Variants in DLG5 observed in about 807,000 individuals in gnomAD.
DLG5 encodes discs large MAGUK scaffold protein 5.
A neutral mutation model predicts 189.8 loss-of-function variants in DLG5; 48 were observed. That is an observed-to-expected ratio of 0.25 (90% CI 0.20 to 0.32). The LOEUF (loss-of-function observed/expected upper bound fraction) is 0.32, where lower values mean the gene tolerates loss of function less well. Among genes scored for constraint, DLG5 ranks in the 10% least tolerant of loss-of-function variants. DLG5 has a pLI of 1.00. For missense variants in DLG5, 2,160 were observed against 2,544.7 expected (o/e 0.85, Z 3.25); for synonymous variants, 1,016 against 1,054.1 (o/e 0.96, Z 0.70).
chr10:77,886,429 A>T (rs2154577533), intron 1 of DLG5, among the ~76,000 whole-genome samples: 1 of 148,928 alleles, frequency 6.7e-6, no homozygotes, highest in Middle Eastern at 3.5e-3. Context: ...CACCCAGGCT[A>T]GATCTCAGCT....
intron 1 of DLG5, among the ~76,000 whole-genome samples, chr10:77,872,053 G>A (rs1844923138): frequency 6.6e-6 from 1 of 152,202 alleles, no homozygotes; most frequent in African/African-American, 2.4e-5. Context: ...GCTAGCCACT[G>A]ACATGTTGGT....
chr10:77,931,981 A>G, the DLG5 span, among the ~76,000 whole-genome samples: 9 of 152,204 alleles, frequency 5.9e-5, no homozygotes, highest in Non-Finnish European at 8.8e-5. Context: ...GCAGGCATAT[A>G]AACTCCCTAA....
At chr10:77,820,369 A>G (rs1047915508) in intron 15 of DLG5, 2 of 181,554 alleles carry the variant, frequency 1.1e-5, no homozygotes, top group Non-Finnish European at 2.2e-5. Flanking sequence ...AAAAAAAACC[A>G]AACAGTGGAA....
At chr10:77,797,672 A>G (rs1176430660) in intron 27 of DLG5, among the ~76,000 whole-genome samples, 4 of 152,170 alleles carry the variant, frequency 2.6e-5, no homozygotes, top group Non-Finnish European at 5.9e-5. Flanking sequence ...CTTGGGAGGA[A>G]GGGTCCATGA....
At chr10:77,930,421 C>T (rs995844787), upstream of DLG5, among the ~76,000 whole-genome samples, 4 of 150,410 alleles carry the variant, frequency 2.7e-5, no homozygotes, top group African/African-American at 9.8e-5. Context: ...GATTTTGGCT[C>T]ACTGCAACCT....
intron 24 of DLG5, among the ~76,000 whole-genome samples, chr10:77,808,604 T>C (rs1190950420): frequency 6.6e-6 from 1 of 152,074 alleles, no homozygotes. Flanking sequence ...ATCTCCCCCA[T>C]GAGGCAGGAG....
Position 77,836,769 on chromosome 10 carries a change from C to T in DLG5, c.1438-847G>A, listed in dbSNP as rs144834525. On this transcript the variant is annotated intron_variant, in intron 7 of 31. Transcript: ENST00000372391. Reference sequence around the variant, plus strand: ...CCATCAAAACTCGAGGGTGACAGTGCAGTGGCAGGCTTTCCTCAGACCTCA... The same window carrying T: ...CCATCAAAACTCGAGGGTGACAGTGTAGTGGCAGGCTTTCCTCAGACCTCA... 7.5e-3 allele frequency among the ~76,000 whole-genome samples: 1,139 copies of T among 152,144 alleles called. 34 individuals are homozygous for T. Among genetic ancestry groups the T allele is most frequent in the Non-Finnish European group, 4.4e-3 (297 of 68,016 alleles).
chr10:77,855,670 C>A (rs1844195141), intron 3 of DLG5, among the ~76,000 whole-genome samples: 1 of 152,226 alleles, frequency 6.6e-6, no homozygotes. Flanking sequence ...ACTCATCCTG[C>A]CTTCGGGCCA....
intron 1 of DLG5, among the ~76,000 whole-genome samples, chr10:77,910,130 C>T (rs1846177007): frequency 6.6e-6 from 1 of 152,196 alleles, no homozygotes; most frequent in Admixed American, 6.5e-5. Flanking sequence ...GTGACAGATG[C>T]TCAGAACACA....
At chr10:77,868,850 G>A in intron 2 of DLG5, 1 of 473,584 alleles carries the variant, frequency 2.1e-6, no homozygotes, top group Non-Finnish European at 3.8e-6. Flanking sequence ...GGGTTGGGGT[G>A]GGGATGGTGG....
intron 2 of DLG5, among the ~76,000 whole-genome samples, chr10:77,859,979 T>C (rs1844407879): frequency 6.6e-6 from 1 of 152,252 alleles, no homozygotes; most frequent in African/African-American, 2.4e-5. Context: ...GTCATCTGAC[T>C]GACCATAACC....
chr10:77,792,940 C>A, intron 31 of DLG5: 1 of 241,190 alleles, frequency 4.1e-6, no homozygotes, highest in Non-Finnish European at 8.1e-6. Flanking sequence ...ATGATGGCGC[C>A]AACTTGGGCC....
chr10:77,828,462 G>A (rs1469036555), intron 13 of DLG5, among the ~76,000 whole-genome samples: 1 of 144,136 alleles, frequency 6.9e-6, no homozygotes, highest in African/African-American at 2.7e-5. Context: ...GTTCTAACCT[G>A]GGTGACAGAG....
chr10:77,864,930 C>A (rs1844613426), intron 2 of DLG5, among the ~76,000 whole-genome samples: 1 of 152,168 alleles, frequency 6.6e-6, no homozygotes, highest in South Asian at 2.1e-4. Flanking sequence ...GCTTTCGAAC[C>A]CTTGACTCAG....
intron 19 of DLG5, 94 bp from the exon 20 acceptor site, chr10:77,816,795 C>T: frequency 1.3e-6 from 2 of 1,502,332 alleles, no homozygotes; most frequent in Non-Finnish European, 1.8e-6. Flanking sequence ...ACACACAGCT[C>T]TATCCCCACT....
intron 1 of DLG5, among the ~76,000 whole-genome samples, chr10:77,909,829 C>G (rs986124656): frequency 6.6e-6 from 1 of 152,232 alleles, no homozygotes; most frequent in Admixed American, 6.5e-5. Context: ...GGATCCAGCT[C>G]CTACTGAGAT....
At chr10:77,859,611 C>T (rs1844394258) in intron 2 of DLG5, among the ~76,000 whole-genome samples, 1 of 152,238 alleles carries the variant, frequency 6.6e-6, no homozygotes, top group African/African-American at 2.4e-5. Flanking sequence ...AGCAACAGGC[C>T]ATATCGTGTA....
chr10:77,846,055 A>C (rs1454950374), intron 5 of DLG5, among the ~76,000 whole-genome samples: 1 of 151,298 alleles, frequency 6.6e-6, no homozygotes, highest in Non-Finnish European at 1.5e-5. Context: ...GACCAGCCTG[A>C]CCAACATGGT....
chr10:77,796,284 A>T lies in DLG5; in HGVS notation c.5309-96T>A, dbSNP rs113439311. On this transcript the variant is annotated intron_variant, in intron 28 of 31. Coordinates refer to ENST00000372391, the MANE Select transcript of DLG5 (RefSeq NM_004747.4). The surrounding 1 kb of genome is among the most constrained non-coding windows in gnomAD (Gnocchi z 5.2). The stretch of plus-strand genomic sequence containing the variant: ...GAACACTGCTCAGCAGCTGTCAGTA[A>T]CCCAGTCCTGCCATGCATGAATCTG... 9.3e-4 allele frequency: 1,493 copies of T among 1,600,304 alleles called. 12 individuals carry two copies. In the African/African-American group the frequency reaches 0.016, roughly 17 times the overall value.
Sources: gnomAD v4.1 joint callset for allele counts (sites outside exome capture counted in the v4.1 genomes callset) on GRCh38, gnomAD v4.1.1 for gene constraint, Gnocchi (gnomAD v3.1) non-coding constraint, MANE v1.5 for transcripts, NCBI Gene and HGNC (gene_info 2026-07-23, HGNC 2026-07-21) for gene names.